The following RBM33 variants were observed in gnomAD, a reference collection of about 807,000 sequenced individuals.
RBM33 encodes RNA binding motif protein 33.
In RBM33, 28 loss-of-function variants were observed where a neutral mutation model predicts 132.6. The observed-to-expected ratio is 0.21, with a 90% confidence interval of 0.16 to 0.29. The LOEUF (loss-of-function observed/expected upper bound fraction) is 0.29. Ranked by LOEUF, RBM33 falls within the 10% of genes least tolerant of loss-of-function variation. The pLI, the probability that RBM33 is intolerant of heterozygous loss-of-function variation, is 1.00. For synonymous variants in RBM33, 634 were observed against 593.0 expected (o/e 1.07, Z -1.01); for missense variants, 1,291 against 1,518.5 (o/e 0.85, Z 2.49).
rs34693646 is a variant in RBM33, at chr7:155,651,582, C to CAAA, written c.43+6681_43+6683dup. Among the ~76,000 whole-genome samples the CAAA allele has an allele frequency of 5.4e-4, 51 of 94,464 alleles. 2 individuals are homozygous for CAAA. The highest frequency in any genetic ancestry group is 1.4e-3 in the African/African-American group (31 of 22,500). 62.0% of individuals were successfully genotyped at this position (94,464 alleles called of 152,430 possible). ...GCAACAGGGAAACTCTTTGTCTCAC[C>CAAA]AAAAAAAAAAAAAAAAAAAAGGGTC... On this transcript the variant is annotated intron_variant, in intron 1 of 17. Coordinates refer to ENST00000401878, the MANE Select transcript of RBM33 (RefSeq NM_053043.3).
Position 155,775,205 on chromosome 7 carries a change from G to C in RBM33, c.*164G>C, listed in dbSNP as rs1419700590. On this transcript the variant is annotated 3_prime_UTR_variant, in exon 18 of 18. Transcript: ENST00000401878. Reference sequence around the variant, plus strand: ...GCCAGCCACGGGCCTGATTCCAGAGGAGCCGAACTGACAGGACACAGCAGG... The same window carrying C: ...GCCAGCCACGGGCCTGATTCCAGAGCAGCCGAACTGACAGGACACAGCAGG... The C allele has an allele frequency of 1.4e-6, 1 of 720,712 alleles. No individual in the cohort carries two copies. The highest frequency in any genetic ancestry group is 2.5e-6 in the Non-Finnish European group (1 of 393,192). The allele number at this position is 720,712 out of a possible 1,614,324, so 44.6% of individuals were successfully genotyped here.
intron 1 of RBM33, among the ~76,000 whole-genome samples, chr7:155,654,518 C>G (rs1319571511): frequency 6.6e-6 from 1 of 152,182 alleles, no homozygotes; most frequent in Non-Finnish European, 1.5e-5. Context: ...CTGACTACTT[C>G]TCTCTATGAG....
In RBM33 at chr7:155,718,380, T is replaced by C; in HGVS notation, c.1202-5T>C. 1 of 1,613,764 alleles carries C rather than the reference T, an allele frequency of 6.2e-7. No individual in the cohort carries two copies. ...TGTCTCTAACACAAGGGGTTTTTCTTGCAGTGCCCTTGCTACCAGTTCCGA... is the reference window on the plus strand; with the variant it reads ...TGTCTCTAACACAAGGGGTTTTTCTCGCAGTGCCCTTGCTACCAGTTCCGA... On this transcript the variant is annotated splice_region_variant and splice_polypyrimidine_tract_variant and intron_variant, in intron 8 of 17. Transcript: ENST00000401878.
intron 14 of RBM33, among the ~76,000 whole-genome samples, chr7:155,761,337 A>G (rs1277128374): frequency 6.6e-6 from 1 of 152,174 alleles, no homozygotes; most frequent in Non-Finnish European, 1.5e-5. Flanking sequence ...TGAGTGGGGA[A>G]GTGCTTCTGC....
Position 155,752,979 on chromosome 7 carries a change from G to A in RBM33, c.2979+7377G>A, listed in dbSNP as rs962354230. ...GAGTGGGGTTTTGGTCTTTTTTTGT[G>A]TGTCCAGGATGTAAGGCAGTTTCAG... On this transcript the variant is annotated intron_variant, in intron 14 of 17. Transcript: ENST00000401878. Among the ~76,000 whole-genome samples, 4 of 152,034 alleles carry A rather than the reference G, an allele frequency of 2.6e-5. No homozygotes were observed. The East Asian group carries it at 7.7e-4, about 29-fold the overall frequency.
At chr7:155,740,110 GAA>G in intron 12 of RBM33, 84 bp downstream of exon 12, 2 of 1,425,788 alleles carry the variant, frequency 1.4e-6, no homozygotes, top group African/African-American at 2.9e-5. Flanking sequence ...ATGTAGGTTA[GAA>G]TATTTTCCAG....
chr7:155,741,468 GAT>G lies in RBM33; in HGVS notation c.2050-349_2050-348del, dbSNP rs1429799763. ...TGAATCCCGTTGATCTCTGGTGGCA[GAT>G]AGAGTGGTTTTTTGGCTGTCTTAAT... On this transcript the variant is annotated intron_variant, in intron 12 of 17. Coordinates refer to ENST00000401878, the MANE Select transcript of RBM33 (RefSeq NM_053043.3). Among the ~76,000 whole-genome samples the G allele has an allele frequency of 2.6e-5, 4 of 152,344 alleles. No homozygotes were observed. The East Asian group carries it at 7.7e-4, about 29-fold the overall frequency.
At chr7:155,665,128 G>C (rs762742395) in intron 1 of RBM33, 47 bp from the exon 2 acceptor site, 1 of 1,505,128 alleles carries the variant, frequency 6.6e-7, no homozygotes, top group Admixed American at 1.7e-5. Flanking sequence ...TTTGCATTGT[G>C]TCTATTTTAA....
chr7:155,737,959 C>A, intron 10 of RBM33, 101 bp from the exon 11 acceptor site: 2 of 1,075,904 alleles, frequency 1.9e-6, no homozygotes, highest in Non-Finnish European at 2.7e-6. Flanking sequence ...CCTGTCAACA[C>A]TTGTGACTTC....
chr7:155,680,760 A>G lies in RBM33; in HGVS notation c.419A>G (p.Gln140Arg). ...TCTGATGGATCAGAATTGTATACTC[A>G]AGAGTACCCAGAAGAAGGACAGTAT... ...HKSDGSELYT[Q>R]EYPEEGQYEG... Residue 140 changes from glutamine (Q) to arginine (R), a missense_variant, in exon 5 of 18, where the codon CAA becomes CGA. This residue lies in a region of RBM33 where 194 missense variants were observed against 249.8 expected (regional missense o/e 0.78). Coordinates refer to ENST00000401878, the MANE Select transcript of RBM33 (RefSeq NM_053043.3). The G allele has an allele frequency of 6.2e-7, 1 of 1,613,768 alleles. No individual in the cohort carries two copies. The highest frequency in any genetic ancestry group is 1.6e-4 in the Middle Eastern group (1 of 6,062).
At chr7:155,730,785 G>A (rs373833419) in intron 9 of RBM33, among the ~76,000 whole-genome samples, 6 of 152,334 alleles carry the variant, frequency 3.9e-5, no homozygotes, top group South Asian at 4.1e-4. Context: ...TTACGTACCA[G>A]TAACATTCAG....
chr7:155,705,916 T>A (rs1268330631), intron 6 of RBM33, among the ~76,000 whole-genome samples: 1 of 152,336 alleles, frequency 6.6e-6, no homozygotes, highest in East Asian at 1.9e-4. Flanking sequence ...TCTGTCAGTC[T>A]GCATGCATAT....
chr7:155,659,595 C>T (rs964639391), intron 1 of RBM33, among the ~76,000 whole-genome samples: 29 of 152,046 alleles, frequency 1.9e-4, no homozygotes, highest in Non-Finnish European at 2.9e-4. Flanking sequence ...AAAGGACCTA[C>T]GGGACACCAC....
intron 8 of RBM33, among the ~76,000 whole-genome samples, chr7:155,712,837 G>A (rs1379628083): frequency 1.3e-5 from 2 of 152,266 alleles, no homozygotes; most frequent in Non-Finnish European, 2.9e-5. Context: ...GACTTTGGCA[G>A]GGAGTGAAAT....
intron 3 of RBM33, among the ~76,000 whole-genome samples, chr7:155,674,392 G>A (rs1257953074): frequency 6.6e-6 from 1 of 152,010 alleles, no homozygotes; most frequent in Non-Finnish European, 1.5e-5. Context: ...TTGTATTTTT[G>A]TACCTAAAGT....
chr7:155,715,241 C>G (rs1205970313), intron 8 of RBM33, among the ~76,000 whole-genome samples: 2 of 152,148 alleles, frequency 1.3e-5, no homozygotes, highest in Non-Finnish European at 2.9e-5. Context: ...TTGCATCTTC[C>G]CCATAGTGGT....
At chr7:155,753,336 T>C (rs772554571) in intron 14 of RBM33, among the ~76,000 whole-genome samples, 30 of 152,366 alleles carry the variant, frequency 2.0e-4, no homozygotes, top group Admixed American at 1.1e-3. Flanking sequence ...GTTTGAATTG[T>C]GTTAAGTGGC....
chr7:155,725,759 T>A (rs1442782765), intron 9 of RBM33, among the ~76,000 whole-genome samples: 1 of 152,232 alleles, frequency 6.6e-6, no homozygotes, highest in East Asian at 1.9e-4. Flanking sequence ...GTGGGTGCTC[T>A]TGTTTCACTG....
At chr7:155,663,797 C>T (rs1798721908) in intron 1 of RBM33, among the ~76,000 whole-genome samples, 1 of 152,140 alleles carries the variant, frequency 6.6e-6, no homozygotes, top group Non-Finnish European at 1.5e-5. Flanking sequence ...CCTAGGTAGA[C>T]TCTTTCTGGG....
Sources: gnomAD v4.1 joint callset for allele counts (sites outside exome capture counted in the v4.1 genomes callset) on GRCh38, gnomAD v4.1.1 for gene constraint, gnomAD v4.1.1 regional missense constraint, MANE v1.5 for transcripts, NCBI Gene and HGNC (gene_info 2026-07-23, HGNC 2026-07-21) for gene names.